ERBB4: variants seen among roughly 807,000 people sequenced by gnomAD.
ERBB4 encodes the protein receptor tyrosine-protein kinase erbB-4.
Under a neutral mutation model 158.0 loss-of-function variants are expected in ERBB4, and 42 were observed. The ratio of observed to expected loss-of-function variants is 0.27; its 90% CI spans 0.21 to 0.34. The LOEUF is 0.34. Ranked by LOEUF, ERBB4 falls within the 10% of genes least tolerant of loss-of-function variation. The pLI, the probability that ERBB4 is intolerant of heterozygous loss-of-function variation, is 1.00. For synonymous variants in ERBB4, 583 were observed against 558.7 expected (o/e 1.04, Z -0.61); for missense variants, 1,333 against 1,624.1 (o/e 0.82, Z 3.08).
chr2:212,148,179 T>C (rs1281462738), intron 1 of ERBB4, among the ~76,000 whole-genome samples: 2 of 151,840 alleles, frequency 1.3e-5, no homozygotes, highest in Admixed American at 1.3e-4. Context: ...AAAAGTACAA[T>C]GGCATAATTG....
chr2:212,026,520 T>C (rs2076776440), intron 2 of ERBB4, among the ~76,000 whole-genome samples: 1 of 151,842 alleles, frequency 6.6e-6, no homozygotes, highest in Non-Finnish European at 1.5e-5. Flanking sequence ...ACCTATTTAT[T>C]TTTAGCAGCC....
chr2:211,711,935 T>C (rs1232090560), intron 9 of ERBB4, 115 bp downstream of exon 9: 5 of 863,550 alleles, frequency 5.8e-6, no homozygotes, highest in Non-Finnish European at 9.4e-6. Flanking sequence ...GTGAGGAGCA[T>C]TAATGAAAGG....
intron 16 of ERBB4, among the ~76,000 whole-genome samples, chr2:211,652,568 A>G (rs73080731): frequency 0.011 from 1,751 of 152,318 alleles, 28 homozygotes; most frequent in African/African-American, 0.04. Flanking sequence ...TATATCACAC[A>G]TGGGTCACAC....
chr2:212,322,986 T>C (rs1419031238), intron 1 of ERBB4, among the ~76,000 whole-genome samples: 4 of 150,464 alleles, frequency 2.7e-5, no homozygotes, highest in African/African-American at 7.3e-5. Context: ...AATAGGGAGC[T>C]GATTGCTTGA....
At chr2:211,455,669 C>A (rs1002464799) in intron 20 of ERBB4, among the ~76,000 whole-genome samples, 11 of 152,154 alleles carry the variant, frequency 7.2e-5, no homozygotes, top group Non-Finnish European at 1.2e-4. Flanking sequence ...TGATTGCTTA[C>A]TTTTAATTTT....
chr2:211,649,752 C>T (rs1436692929), intron 16 of ERBB4, among the ~76,000 whole-genome samples: 2 of 151,820 alleles, frequency 1.3e-5, no homozygotes, highest in African/African-American at 4.8e-5. Context: ...ACTTACATGG[C>T]TACAAGCATT....
chr2:212,447,019 C>T (rs1268134429), intron 1 of ERBB4, among the ~76,000 whole-genome samples: 23 of 145,366 alleles, frequency 1.6e-4, no homozygotes, highest in African/African-American at 4.9e-4. Flanking sequence ...TTTATTTTGA[C>T]GGAGTCTCGC....
At chr2:211,997,291 C>T (rs146463055) in intron 2 of ERBB4, among the ~76,000 whole-genome samples, 49 of 152,124 alleles carry the variant, frequency 3.2e-4, no homozygotes, top group African/African-American at 1.2e-3. Context: ...AAAATTTCCT[C>T]AACTTCTATT....
intron 1 of ERBB4, among the ~76,000 whole-genome samples, chr2:212,268,864 A>G (rs538241172): frequency 9.9e-4 from 150 of 151,950 alleles, no homozygotes; most frequent in African/African-American, 3.3e-3. Flanking sequence ...AATTATTCAC[A>G]TTGTCACACT....
chr2:211,721,443 C>CAAAAAAAAAAAAAAAAAAAAAAAAAA lies in ERBB4; in HGVS notation c.883+949_883+950insTTTTTTTTTTTTTTTTTTTTTTTTTT, dbSNP rs71054136. Among the ~76,000 whole-genome samples, 15 of 54,494 alleles carry CAAAAAAAAAAAAAAAAAAAAAAAAAA rather than the reference C, an allele frequency of 2.8e-4. 4 individuals carry two copies. The highest frequency in any genetic ancestry group is 3.8e-4 in the African/African-American group (4 of 10,536). 35.8% of individuals were successfully genotyped at this position (54,494 alleles called of 152,430 possible). On this transcript the variant is annotated intron_variant, in intron 7 of 27. Coordinates refer to ENST00000342788, the MANE Select transcript of ERBB4 (RefSeq NM_005235.3). Reference sequence around the variant, plus strand: ...GAAATGTCCCATTGGTTACTCAAAGCAAAAAAAAAAAAAAAAAAAAAATAG... The same window carrying CAAAAAAAAAAAAAAAAAAAAAAAAAA: ...GAAATGTCCCATTGGTTACTCAAAGCAAAAAAAAAAAAAAAAAAAAAAAAAAAAAAAAAAAAAAAAAAAAAAAATAG...
chr2:212,385,220 A>G (rs1358282497), intron 1 of ERBB4, among the ~76,000 whole-genome samples: 2 of 151,824 alleles, frequency 1.3e-5, no homozygotes, highest in African/African-American at 4.8e-5. Context: ...TTACTTCAGC[A>G]TGTTGAATAA....
intron 20 of ERBB4, among the ~76,000 whole-genome samples, chr2:211,461,524 T>G (rs548707579): frequency 1.3e-5 from 2 of 152,252 alleles, no homozygotes; most frequent in South Asian, 4.1e-4. Flanking sequence ...TTGCATACTA[T>G]CTCATCTTCT....
At chr2:212,331,088 G>GTATATATATATATATATATATATATA (rs2088143154) in intron 1 of ERBB4, among the ~76,000 whole-genome samples, 1 of 31,356 alleles carries the variant, frequency 3.2e-5, no homozygotes, top group Non-Finnish European at 1.2e-4. Context: ...ATATATATAT[G>GTATATATATATATATATATATATATA]CCCATAACAC....
At chr2:212,230,316 T>C (rs563679812) in intron 1 of ERBB4, among the ~76,000 whole-genome samples, 2 of 152,130 alleles carry the variant, frequency 1.3e-5, no homozygotes, top group South Asian at 4.1e-4. Context: ...GGCTACAACA[T>C]GGAAGTCTAA....
At chr2:211,961,245 AT>A (rs900616237) in intron 2 of ERBB4, among the ~76,000 whole-genome samples, 20 of 151,424 alleles carry the variant, frequency 1.3e-4, no homozygotes, top group East Asian at 3.9e-4. Flanking sequence ...CTTCAGACTT[AT>A]TTTTTTTTCC....
rs900094764 is a variant in ERBB4 at position 211,382,840 on chromosome 2, C to T, written c.*775G>A. On this transcript the variant is annotated 3_prime_UTR_variant, in exon 28 of 28. Coordinates refer to ENST00000342788, the MANE Select transcript of ERBB4 (RefSeq NM_005235.3). ...TATACTTAAAGTAGTGGCCATTTCACTATATTAAAATATTTCTTGCTTAAA... is the reference window on the plus strand; with the variant it reads ...TATACTTAAAGTAGTGGCCATTTCATTATATTAAAATATTTCTTGCTTAAA... 7 of 232,470 alleles carry T rather than the reference C, an allele frequency of 3.0e-5. No homozygotes were observed. Among genetic ancestry groups the T allele is most frequent in the Non-Finnish European group, 5.1e-5 (6 of 117,736 alleles). 14.4% of individuals were successfully genotyped at this position (232,470 alleles called of 1,614,324 possible). A position where few individuals can be genotyped will look rare whatever the true frequency, so the allele number is the denominator to read the frequency against.
At chr2:211,677,945 A>T (rs1472470786) in intron 13 of ERBB4, among the ~76,000 whole-genome samples, 8 of 152,142 alleles carry the variant, frequency 5.3e-5, no homozygotes, top group Non-Finnish European at 1.2e-4. Context: ...ACATAAGAAA[A>T]TTTGACTTAG....
chr2:212,201,625 G>A (rs1297609510), intron 1 of ERBB4, among the ~76,000 whole-genome samples: 2 of 152,048 alleles, frequency 1.3e-5, no homozygotes, highest in African/African-American at 2.4e-5. Flanking sequence ...AAGGTACATT[G>A]GAATTACTGA....
At chr2:212,061,697 A>G (rs1239570028) in intron 2 of ERBB4, among the ~76,000 whole-genome samples, 1 of 149,572 alleles carries the variant, frequency 6.7e-6, no homozygotes, top group African/African-American at 2.5e-5. Flanking sequence ...ACCACATCAG[A>G]TTGCAGATTG....
Sources: gnomAD v4.1 joint callset for allele counts (sites outside exome capture counted in the v4.1 genomes callset) on GRCh38, gnomAD v4.1.1 for gene constraint, MANE v1.5 for transcripts, NCBI Gene and HGNC (gene_info 2026-07-23, HGNC 2026-07-21) for gene names.